RPRD1A: variants seen among roughly 807,000 people sequenced by gnomAD.
RPRD1A encodes the protein regulation of nuclear pre-mRNA domain-containing protein 1A.
RPRD1A carries 9 observed loss-of-function variants against 37.8 expected under a neutral mutation model. That is an observed-to-expected ratio of 0.24 (90% CI 0.14 to 0.42). The LOEUF is 0.42. RPRD1A is among the 10% of genes least tolerant of loss of function. The probability of loss-of-function intolerance (pLI) is 1.00; values close to 1 mark genes in which losing one functional copy is unlikely to be tolerated. For missense variants in RPRD1A, 255 were observed against 371.0 expected (o/e 0.69, Z 2.57); for synonymous variants, 138 against 139.7 (o/e 0.99, Z 0.08).
chr18:36,027,102 A>T (rs910405345), intron 5 of RPRD1A, 27 bp from the exon 6 acceptor site: 11 of 1,612,382 alleles, frequency 6.8e-6, no homozygotes, highest in Middle Eastern at 1.6e-4. Context: ...ATAATAAAAT[A>T]TTATACAACA....
chr18:36,033,883 T>A, intron 1 of RPRD1A, 46 bp from the exon 2 acceptor site: 1 of 1,518,830 alleles, frequency 6.6e-7, no homozygotes, highest in Non-Finnish European at 9.0e-7. Flanking sequence ...ACATCTTTAC[T>A]TGGACAAACT....
At chr18:36,016,636 C>T (rs979163529) in intron 6 of RPRD1A, among the ~76,000 whole-genome samples, 1 of 151,944 alleles carries the variant, frequency 6.6e-6, no homozygotes, top group African/African-American at 2.4e-5. Flanking sequence ...TAAGCCAAAA[C>T]TTAGTTGAAG....
intron 6 of RPRD1A, among the ~76,000 whole-genome samples, chr18:36,007,151 A>G (rs1251980480): frequency 6.6e-6 from 1 of 152,190 alleles, no homozygotes; most frequent in Non-Finnish European, 1.5e-5. Flanking sequence ...AGTAGTTCTG[A>G]ATTATCTACA....
rs1166942228 is a variant in RPRD1A at position 35,991,202 on chromosome 18, CA to C, written c.*1948del. On this transcript the variant is annotated 3_prime_UTR_variant, in exon 7 of 7. Transcript: ENST00000399022. ...TTGAATGGATAAATCACCACTTTAG[CA>C]GATCATAAATAAGGTCAAGATATTG... is the stretch of plus-strand genomic sequence containing the variant. 3.4e-4 allele frequency: 51 copies of C among 152,130 alleles called. No homozygotes were observed. The highest frequency in any genetic ancestry group is 1.1e-3 in the African/African-American group (46 of 41,418). The allele number at this position is 152,130 out of a possible 1,614,324, so 9.4% of individuals were successfully genotyped here. A position where few individuals can be genotyped will look rare whatever the true frequency, so the allele number is the denominator to read the frequency against.
intron 6 of RPRD1A, among the ~76,000 whole-genome samples, chr18:36,005,539 A>G (rs1055134329): frequency 7.9e-5 from 12 of 152,236 alleles, no homozygotes; most frequent in African/African-American, 2.4e-4. Flanking sequence ...TAAACTCTGT[A>G]TATCACTTTT....
chr18:35,997,105 T>C (rs1909120394), intron 6 of RPRD1A, among the ~76,000 whole-genome samples: 1 of 150,744 alleles, frequency 6.6e-6, no homozygotes, highest in Admixed American at 6.6e-5. Context: ...TTAAGCCCAA[T>C]ATGAACAAAA....
intron 1 of RPRD1A, among the ~76,000 whole-genome samples, chr18:36,042,294 T>A (rs1912637364): frequency 6.6e-6 from 1 of 152,192 alleles, no homozygotes. Context: ...TAATTATTTT[T>A]ATTTCATGTA....
At chr18:36,062,629 C>T (rs1025400914) in intron 1 of RPRD1A, among the ~76,000 whole-genome samples, 12 of 152,260 alleles carry the variant, frequency 7.9e-5, no homozygotes, top group Admixed American at 6.5e-4. Flanking sequence ...TTGCAACTGG[C>T]TTCTTTTAAT....
chr18:36,034,113 A>G (rs181145647), intron 1 of RPRD1A, among the ~76,000 whole-genome samples: 2 of 152,312 alleles, frequency 1.3e-5, no homozygotes, highest in East Asian at 1.9e-4. Context: ...GTCATTTAAA[A>G]TAAGATGGTG....
At chr18:36,030,565 A>G (rs1296078292) in intron 4 of RPRD1A, among the ~76,000 whole-genome samples, 1 of 151,910 alleles carries the variant, frequency 6.6e-6, no homozygotes, top group Non-Finnish European at 1.5e-5. Context: ...ACATCTAACC[A>G]TATTTGGCAA....
chr18:36,027,320 A>G lies in RPRD1A; in HGVS notation c.487-10T>C, dbSNP rs763488934. On this transcript the variant is annotated splice_polypyrimidine_tract_variant and intron_variant, in intron 4 of 6. Coordinates refer to ENST00000399022, the MANE Select transcript of RPRD1A (RefSeq NM_018170.5). ...TAACGAGATCTAGAGTCTAAAAAGT[A>G]CACAACTTCAGAACCAAAATAAATT... The G allele has an allele frequency of 6.2e-7, 1 of 1,612,956 alleles. No individual in the cohort carries two copies. The highest frequency in any genetic ancestry group is 1.7e-5 in the Admixed American group (1 of 59,764).
chr18:36,033,669 T>C (rs1203496687), intron 2 of RPRD1A, 39 bp downstream of exon 2: 1 of 1,568,036 alleles, frequency 6.4e-7, no homozygotes, highest in Non-Finnish European at 8.6e-7. Context: ...TATGGTACAT[T>C]TAAAACAGAT....
chr18:36,056,686 G>C (rs969862552), intron 1 of RPRD1A, among the ~76,000 whole-genome samples: 3 of 151,826 alleles, frequency 2.0e-5, no homozygotes, highest in Non-Finnish European at 4.4e-5. Context: ...CGTAAGTATG[G>C]TAAACCATTT....
chr18:36,064,847 G>A (rs2088993292), intron 1 of RPRD1A, among the ~76,000 whole-genome samples: 1 of 152,050 alleles, frequency 6.6e-6, no homozygotes, highest in East Asian at 1.9e-4. Flanking sequence ...GCCTTTATGA[G>A]CTGTAACACT....
At chr18:36,059,061 T>G (rs28396546) in intron 1 of RPRD1A, among the ~76,000 whole-genome samples, 1 of 152,094 alleles carries the variant, frequency 6.6e-6, no homozygotes, top group Admixed American at 6.5e-5. Flanking sequence ...TAACTACCCT[T>G]ATTTGATCAT....
chr18:36,035,550 G>A (rs1912128980), intron 1 of RPRD1A, among the ~76,000 whole-genome samples: 1 of 152,086 alleles, frequency 6.6e-6, no homozygotes, highest in African/African-American at 2.4e-5. Context: ...ATAATTAAAA[G>A]GGCATGTTAA....
rs955309075 is a variant in RPRD1A at position 35,990,930 on chromosome 18, G to C, written c.*2221C>G. The C allele has an allele frequency of 1.3e-5, 2 of 152,162 alleles. No individual in the cohort carries two copies. The highest frequency in any genetic ancestry group is 2.9e-5 in the Non-Finnish European group (2 of 68,030). 9.4% of individuals were successfully genotyped at this position (152,162 alleles called of 1,614,324 possible). A position where few individuals can be genotyped will look rare whatever the true frequency, so the allele number is the denominator to read the frequency against. On this transcript the variant is annotated 3_prime_UTR_variant, in exon 7 of 7. Coordinates refer to ENST00000399022, the MANE Select transcript of RPRD1A (RefSeq NM_018170.5). Reference sequence around the variant, plus strand: ...TAACCAACAACTGAAGTTTGTGGAGGATTGGTCGAGGGGTGGGATTCAGGT... The same window carrying C: ...TAACCAACAACTGAAGTTTGTGGAGCATTGGTCGAGGGGTGGGATTCAGGT...
rs559848262 is a variant in RPRD1A, at chr18:36,033,886, G to A, written c.152-49C>T. ...AATCTACTTAAAACATCTTTACTTG[G>A]ACAAACTTTCTCAATACCTAAATTA... On this transcript the variant is annotated intron_variant, in intron 1 of 6. Transcript: ENST00000399022. 5.9e-6 allele frequency: 9 copies of A among 1,512,992 alleles called. No homozygotes were observed. In the Admixed American group the frequency reaches 1.7e-4, roughly 29 times the overall value. The allele number at this position is 1,512,992 out of a possible 1,614,324, so 93.7% of individuals were successfully genotyped here. A position where few individuals can be genotyped will look rare whatever the true frequency, so the allele number is the denominator to read the frequency against.
intron 6 of RPRD1A, among the ~76,000 whole-genome samples, chr18:36,009,348 G>A (rs1233786611): frequency 5.3e-5 from 8 of 152,032 alleles, no homozygotes; most frequent in Admixed American, 5.2e-4. Flanking sequence ...TCCTCACATT[G>A]CTACCTGGCC....
Sources: gnomAD v4.1 joint callset for allele counts (sites outside exome capture counted in the v4.1 genomes callset) on GRCh38, gnomAD v4.1.1 for gene constraint, MANE v1.5 for transcripts, NCBI Gene and HGNC (gene_info 2026-07-23, HGNC 2026-07-21) for gene names.